The following AQR variants were observed in gnomAD, a reference collection of about 807,000 sequenced individuals.
The protein encoded by AQR is RNA helicase aquarius.
AQR carries 61 observed loss-of-function variants against 180.5 expected under a neutral mutation model. That is an observed-to-expected ratio of 0.34 (90% CI 0.28 to 0.42). The LOEUF is 0.42. AQR is among the 10% of genes least tolerant of loss of function. The probability of loss-of-function intolerance (pLI) is 1.00; values close to 1 mark genes in which losing one functional copy is unlikely to be tolerated. For synonymous variants in AQR, 551 were observed against 588.8 expected (o/e 0.94, Z 0.93); for missense variants, 1,281 against 1,798.3 (o/e 0.71, Z 5.20).
intron 33 of AQR, among the ~76,000 whole-genome samples, chr15:34,860,996 T>A (rs566499276): frequency 6.6e-6 from 1 of 152,208 alleles, no homozygotes; most frequent in East Asian, 1.9e-4. Context: ...GCACTTCTTT[T>A]TAAACCACCC....
chr15:34,873,543 C>T (rs749615274), intron 30 of AQR, among the ~76,000 whole-genome samples: 40 of 151,958 alleles, frequency 2.6e-4, no homozygotes, highest in African/African-American at 2.9e-4. Context: ...TTTCTCCAAT[C>T]GCTATTTTTC....
chr15:34,961,905 A>G (rs886963344), intron 2 of AQR, among the ~76,000 whole-genome samples: 1 of 152,184 alleles, frequency 6.6e-6, no homozygotes, highest in African/African-American at 2.4e-5. Flanking sequence ...AGCCTTCACT[A>G]ACAGTTATCA....
Position 34,870,909 on chromosome 15 carries a change from G to A in AQR, c.3611C>T (p.Ala1204Val). The change falls in exon 31 of 35, where the codon GCA becomes GTA. Residue 1204 changes from alanine (A) to valine (V), a missense_variant. Around this residue, in one of 9 missense-constraint regions of AQR, gnomAD observed 197 missense variants for 320.7 expected, o/e 0.61. Transcript: ENST00000156471. ...CATAAAAAGTGCTACTACATATTCT[G>A]CCTCTCCAAGATTCTGTAATGCAAA... is the stretch of plus-strand genomic sequence containing the variant. ...NPYFYQNLGE[A>V]EYVVALFMYM... is the part of the protein sequence containing the mutation. 6.2e-7 allele frequency: 1 copy of A among 1,611,916 alleles called. No homozygotes were observed. The highest frequency in any genetic ancestry group is 1.3e-5 in the African/African-American group (1 of 74,938).
chr15:34,915,793 A>G (rs1162805336), intron 15 of AQR, among the ~76,000 whole-genome samples: 1 of 151,922 alleles, frequency 6.6e-6, no homozygotes, highest in Non-Finnish European at 1.5e-5. Flanking sequence ...AAAAATACAA[A>G]ATATTAGCTG....
At chr15:34,955,640 G>A (rs1326553216) in intron 3 of AQR, among the ~76,000 whole-genome samples, 1 of 152,190 alleles carries the variant, frequency 6.6e-6, no homozygotes, top group East Asian at 1.9e-4. Context: ...AGGCACAGTG[G>A]CTCACGTCTG....
intron 15 of AQR, 105 bp downstream of exon 15, chr15:34,918,153 T>C: frequency 8.3e-7 from 1 of 1,201,508 alleles, no homozygotes; most frequent in Non-Finnish European, 1.1e-6. Flanking sequence ...GAAATTATCC[T>C]AATGTACAGA....
In AQR at chr15:34,876,195, C is replaced by CATTA. The variant is rs1381736198; in HGVS notation, c.3166-190_3166-189insTAAT. 7.9e-5 allele frequency among the ~76,000 whole-genome samples: 12 copies of CATTA among 152,336 alleles called. No homozygotes were observed. The East Asian group carries it at 2.3e-3, about 29-fold the overall frequency. ...CATGGTCTTACTTATCATTATGCCTCTGCATTTCCAATTCAAGTATTTGAC... is the reference window on the plus strand; with the variant it reads ...CATGGTCTTACTTATCATTATGCCTCATTATGCATTTCCAATTCAAGTATTTGAC... On this transcript the variant is annotated intron_variant, in intron 27 of 34. Coordinates refer to ENST00000156471, the MANE Select transcript of AQR (RefSeq NM_014691.3).
chr15:34,908,916 T>G (rs1412823222), intron 17 of AQR, among the ~76,000 whole-genome samples: 2 of 152,192 alleles, frequency 1.3e-5, no homozygotes, highest in African/African-American at 4.8e-5. Flanking sequence ...GAATAATAAA[T>G]ATGAGACCTT....
At chr15:34,865,419 C>T (rs1332307743) in intron 32 of AQR, among the ~76,000 whole-genome samples, 1 of 152,038 alleles carries the variant, frequency 6.6e-6, no homozygotes, top group African/African-American at 2.4e-5. Flanking sequence ...TGGCTCCAAC[C>T]CAATCACCCA....
At chr15:34,912,546 C>A (rs1308835103) in intron 16 of AQR, among the ~76,000 whole-genome samples, 2 of 149,926 alleles carry the variant, frequency 1.3e-5, no homozygotes, top group South Asian at 2.1e-4. Flanking sequence ...GCTATAATTT[C>A]AAAAAAAATT....
chr15:34,882,490 A>G lies in AQR; in HGVS notation c.3165+12T>C, dbSNP rs147851674. 0.02 allele frequency: 29,630 copies of G among 1,489,880 alleles called. 374 individuals carry two copies. The highest frequency in any genetic ancestry group is 0.033 in the Middle Eastern group (186 of 5,562). 92.3% of individuals were successfully genotyped at this position (1,489,880 alleles called of 1,614,324 possible). A position where few individuals can be genotyped will look rare whatever the true frequency, so the allele number is the denominator to read the frequency against. On this transcript the variant is annotated intron_variant, in intron 27 of 34. Coordinates refer to ENST00000156471, the MANE Select transcript of AQR (RefSeq NM_014691.3). The stretch of plus-strand genomic sequence containing the variant: ...TAAAAAAAAAAAAAAAAAAACTACC[A>G]TAAGTCTTTACCTTGAAACCTAGCT...
At chr15:34,876,926 A>G (rs1172836703) in intron 27 of AQR, among the ~76,000 whole-genome samples, 1 of 152,202 alleles carries the variant, frequency 6.6e-6, no homozygotes, top group Non-Finnish European at 1.5e-5. Context: ...CTTAAAAGCC[A>G]CTTTATCTAG....
At chr15:34,962,626 G>A (rs573869865) in intron 2 of AQR, among the ~76,000 whole-genome samples, 1 of 151,986 alleles carries the variant, frequency 6.6e-6, no homozygotes, top group South Asian at 2.1e-4. Flanking sequence ...AAAATTAGCA[G>A]GGCGTGGTGG....
intron 4 of AQR, 146 bp from the exon 5 acceptor site, chr15:34,948,530 G>A (rs1195297541): frequency 1.8e-6 from 2 of 1,101,190 alleles, no homozygotes; most frequent in African/African-American, 1.6e-5. Context: ...TTGGCTGGGT[G>A]TGGTAGCTCA....
chr15:34,920,422 G>A lies in AQR; in HGVS notation c.1131C>T (p.Leu377=), dbSNP rs1371141542. 1 of 1,612,332 alleles carries A rather than the reference G, an allele frequency of 6.2e-7. No individual in the cohort carries two copies. The highest frequency in any genetic ancestry group is 1.7e-5 in the Admixed American group (1 of 59,824). ...AGCAGAGGTATGATGCCACCTGGTGGAGTGTGTTTGAACTGCAGAATAGAG... is the reference window on the plus strand; with the variant it reads ...AGCAGAGGTATGATGCCACCTGGTGAAGTGTGTTTGAACTGCAGAATAGAG... ...KFFGPLSSNT[L]HQVASYLCLL... is the part of the protein sequence containing the mutation. The change falls in exon 14 of 35, where the codon CTC becomes CTT. Residue 377 remains leucine (L), a synonymous_variant. Coordinates refer to ENST00000156471, the MANE Select transcript of AQR (RefSeq NM_014691.3).
intron 1 of AQR, among the ~76,000 whole-genome samples, chr15:34,965,211 T>C (rs1269135577): frequency 6.6e-6 from 1 of 152,226 alleles, no homozygotes; most frequent in African/African-American, 2.4e-5. Flanking sequence ...TGCTTATCCA[T>C]CTTTCCTTCT....
intron 34 of AQR, among the ~76,000 whole-genome samples, chr15:34,859,226 T>TA (rs911411599): frequency 2.0e-5 from 3 of 151,898 alleles, no homozygotes; most frequent in African/African-American, 4.8e-5. Flanking sequence ...TACAGCCTAA[T>TA]AAAAAAATGA....
intron 15 of AQR, among the ~76,000 whole-genome samples, chr15:34,917,600 A>C (rs1036410542): frequency 3.3e-5 from 5 of 152,156 alleles, no homozygotes; most frequent in African/African-American, 1.2e-4. Flanking sequence ...CCCTAAGAAA[A>C]GCCTTTGAAA....
At chr15:34,878,263 G>A (rs1306017517) in intron 27 of AQR, among the ~76,000 whole-genome samples, 1 of 151,728 alleles carries the variant, frequency 6.6e-6, no homozygotes, top group African/African-American at 2.4e-5. Flanking sequence ...GCACGTGCCT[G>A]TAATCCCAGC....
Sources: gnomAD v4.1 joint callset for allele counts (sites outside exome capture counted in the v4.1 genomes callset) on GRCh38, gnomAD v4.1.1 for gene constraint, gnomAD v4.1.1 regional missense constraint, MANE v1.5 for transcripts, NCBI Gene and HGNC (gene_info 2026-07-23, HGNC 2026-07-21) for gene names.